Variants in ARRDC3 observed in about 807,000 individuals in gnomAD.
ARRDC3 encodes arrestin domain containing 3, also known as arrestin domain-containing protein 3.
In ARRDC3, 10 loss-of-function variants were observed where a neutral mutation model predicts 47.2. That is an observed-to-expected ratio of 0.21 (90% confidence interval 0.13 to 0.36). The LOEUF is 0.36. ARRDC3 is among the 10% of genes least tolerant of loss of function. The pLI, the probability that ARRDC3 is intolerant of heterozygous loss-of-function variation, is 1.00. For missense variants in ARRDC3, 381 were observed against 503.6 expected (o/e 0.76, Z 2.33); for synonymous variants, 156 against 178.3 (o/e 0.87, Z 1.00).
intron 5 of ARRDC3, 141 bp from the exon 6 acceptor site, chr5:91,374,417 G>A (rs553215264): frequency 4.4e-5 from 30 of 676,362 alleles, no homozygotes; most frequent in Middle Eastern, 7.4e-4. Flanking sequence ...TCTCTTTTAT[G>A]TATAATTCTG....
At position 91,377,428 on chromosome 5, in the gene ARRDC3, ACT is replaced by A. The variant is rs201954517; in HGVS notation, c.363-662_363-661del. On this transcript the variant is annotated intron_variant, in intron 2 of 7. Transcript: ENST00000265138. ...AGAGAATAAAAAAAAATTTTTTTTA[ACT>A]CTGTCAGATTTTACTTGTGGAAGGT... Among the ~76,000 whole-genome samples the A allele has an allele frequency of 7.5e-3, 1,142 of 152,170 alleles. 15 individuals are homozygous for A. The highest frequency in any genetic ancestry group is 0.037 in the East Asian group (193 of 5,178).
chr5:91,382,867 TG>T lies in ARRDC3; in HGVS notation c.225del (p.Tyr75Ter). The T allele has an allele frequency of 6.2e-7, 1 of 1,614,146 alleles. No homozygotes were observed. On this transcript the variant is annotated frameshift_variant, in exon 1 of 8. Coordinates refer to ENST00000265138, the MANE Select transcript of ARRDC3 (RefSeq NM_020801.4). LOFTEE classifies it high-confidence loss of function. ...AGSNTAYTQNYTEEVEYFNHK... is the reference protein window; with the variant it reads ...AGSNTAYTQNXTEEVEYFNHK... ...TGGTTGAAATACTCTACTTCTTCAG[TG>T]TAATTCTGTGTATAGGCAGTATTGG...
rs572006061 is a variant in ARRDC3, at chr5:91,370,154, G to A, written c.*1246C>T. ...TCATAACCTCAATGTATGTATTCCT[G>A]CTCATTAATATACTTTGCACCAGCA... On this transcript the variant is annotated 3_prime_UTR_variant, in exon 8 of 8. Transcript: ENST00000265138. 2 of 152,356 alleles carry A rather than the reference G, an allele frequency of 1.3e-5. No homozygotes were observed. Among genetic ancestry groups the A allele is most frequent in the Admixed American group, 1.3e-4 (2 of 15,274 alleles). 9.4% of individuals were successfully genotyped at this position (152,356 alleles called of 1,614,324 possible).
Position 91,383,242 on chromosome 5 carries a change from G to A in ARRDC3, c.-150C>T. On this transcript the variant is annotated 5_prime_UTR_variant, in exon 1 of 8. Coordinates refer to ENST00000265138, the MANE Select transcript of ARRDC3 (RefSeq NM_020801.4). ...TGATTCTCTACAAATAGTTCATTGAGATTTCTTAAAAAGTCAGGGCAGCAG... is the reference window on the plus strand; with the variant it reads ...TGATTCTCTACAAATAGTTCATTGAAATTTCTTAAAAAGTCAGGGCAGCAG... 1 of 747,806 alleles carries A rather than the reference G, an allele frequency of 1.3e-6. No individual in the cohort carries two copies. Among genetic ancestry groups the A allele is most frequent in the Admixed American group, 3.3e-5 (1 of 30,454 alleles). The allele number at this position is 747,806 out of a possible 1,614,324, so 46.3% of individuals were successfully genotyped here. A position where few individuals can be genotyped will look rare whatever the true frequency, so the allele number is the denominator to read the frequency against.
At chr5:91,380,518 A>G (rs1017942206) in intron 1 of ARRDC3, 3 of 152,214 alleles carry the variant, frequency 2.0e-5, no homozygotes, top group Non-Finnish European at 4.4e-5. Context: ...CTCCCCCAAC[A>G]TTTCGATATT....
intron 1 of ARRDC3, among the ~76,000 whole-genome samples, chr5:91,381,993 C>G (rs1799467486): frequency 6.6e-6 from 1 of 152,178 alleles, no homozygotes; most frequent in South Asian, 2.1e-4. Flanking sequence ...AATCTCAGGA[C>G]TCCTTCTCCT....
At chr5:91,376,830 G>A in intron 2 of ARRDC3, 62 bp from the exon 3 acceptor site, 6 of 1,452,504 alleles carry the variant, frequency 4.1e-6, no homozygotes, top group Non-Finnish European at 5.6e-6. Context: ...TTACACAGTA[G>A]GTCAGAATAG....
In ARRDC3 at chr5:91,381,546, G is replaced by T. The variant is rs1582378906; in HGVS notation, c.280+1267C>A. ...ACTACGAAAATCCTGCTAAAGAACT[G>T]AGTTCACCTTAATAGTTTCAAAAAT... On this transcript the variant is annotated intron_variant, in intron 1 of 7. Coordinates refer to ENST00000265138, the MANE Select transcript of ARRDC3 (RefSeq NM_020801.4). Among the ~76,000 whole-genome samples, 5 of 152,290 alleles carry T rather than the reference G, an allele frequency of 3.3e-5. No homozygotes were observed. In the South Asian group the frequency reaches 1.0e-3, roughly 32 times the overall value.
Position 91,378,768 on chromosome 5 carries a change from A to G in ARRDC3, c.288T>C (p.Asp96=). 6.3e-7 allele frequency: 1 copy of G among 1,588,134 alleles called. No homozygotes were observed. The highest frequency in any genetic ancestry group is 8.6e-7 in the Non-Finnish European group (1 of 1,168,288). The change falls in exon 2 of 8, where the codon GAT becomes GAC. Residue 96 remains aspartate, a synonymous_variant. Coordinates refer to ENST00000265138, the MANE Select transcript of ARRDC3 (RefSeq NM_020801.4). ...TAGTGTGGAAGCCTTCTTCGGAATT[A>G]TCATCATCTAAAACAAACATAAAAA... ...DILIGHERDD[D]NSEEGFHTIH...
At position 91,378,694 on chromosome 5, in the gene ARRDC3, G is replaced by A. The variant is rs779678796; in HGVS notation, c.362C>T (p.Thr121Ile). 44 of 1,555,148 alleles carry A rather than the reference G, an allele frequency of 2.8e-5. No homozygotes were observed. Among genetic ancestry groups the A allele is most frequent in the African/African-American group, 9.6e-5 (7 of 72,720 alleles). ...EYAFSFELPQ[T>I]PLATSFEGRH... ...AATGCCTATTATTTATAATACTTAC[G>A]TCTGTGGAAGCTCGAAGCTGAATGC... The change falls in exon 2 of 8, where the codon ACA becomes ATA. Residue 121 changes from threonine to isoleucine, a missense_variant and splice_region_variant. Transcript: ENST00000265138.
chr5:91,374,918 A>T lies in ARRDC3; in HGVS notation c.870+4T>A, dbSNP rs371600314. On this transcript the variant is annotated splice_donor_region_variant and intron_variant, in intron 5 of 7. Coordinates refer to ENST00000265138, the MANE Select transcript of ARRDC3 (RefSeq NM_020801.4). ...AGGAAAAAACCTCTTAAATGTGTAC[A>T]TACCATTAGTGAATATTCCACGCGG... is the stretch of plus-strand genomic sequence containing the variant. The T allele has an allele frequency of 9.3e-6, 15 of 1,613,956 alleles. No homozygotes were observed. Among genetic ancestry groups the T allele is most frequent in the Non-Finnish European group, 1.2e-5 (14 of 1,179,840 alleles).
At chr5:91,372,859 CA>C (rs1207489842) in intron 7 of ARRDC3, among the ~76,000 whole-genome samples, 1 of 152,074 alleles carries the variant, frequency 6.6e-6, no homozygotes, top group Non-Finnish European at 1.5e-5. Context: ...ATTTTGGTAT[CA>C]AAACCAACTC....
chr5:91,382,973 C>T lies in ARRDC3; in HGVS notation c.120G>A (p.Gly40=), dbSNP rs1320465302. ...VSGRVNLEVT[G]EIRVKSLKIH... ...TTTTAAGAGATTTTACTCTGATTTC[C>T]CCAGTAACTTCTAAATTTACCCTTC... The change falls in exon 1 of 8, where the codon GGG becomes GGA. Residue 40 remains glycine (G), a synonymous_variant. Coordinates refer to ENST00000265138, the MANE Select transcript of ARRDC3 (RefSeq NM_020801.4). The T allele has an allele frequency of 5.0e-6, 8 of 1,614,094 alleles. No homozygotes were observed. Among genetic ancestry groups the T allele is most frequent in the Non-Finnish European group, 6.8e-6 (8 of 1,180,024 alleles).
rs1433682679 is a variant in ARRDC3, at chr5:91,370,685, C to T, written c.*715G>A. 2.6e-5 allele frequency: 4 copies of T among 152,518 alleles called. No individual in the cohort carries two copies. Among genetic ancestry groups the T allele is most frequent in the Non-Finnish European group, 5.9e-5 (4 of 68,012 alleles). 9.4% of individuals were successfully genotyped at this position (152,518 alleles called of 1,614,324 possible). A position where few individuals can be genotyped will look rare whatever the true frequency, so the allele number is the denominator to read the frequency against. ...ATCTTGACAGTCTCTTATTAGCTTC[C>T]TCCTCTTATCTCTTTTTTTCCCACA... On this transcript the variant is annotated 3_prime_UTR_variant, in exon 8 of 8. Transcript: ENST00000265138.
rs1799229192 is a variant in ARRDC3, at chr5:91,373,599, C to G, written c.1188+85G>C. The G allele has an allele frequency of 2.3e-6, 3 of 1,287,418 alleles. No individual in the cohort carries two copies. In the Admixed American group the frequency reaches 6.4e-5, roughly 27 times the overall value. The allele number at this position is 1,287,418 out of a possible 1,614,324, so 79.7% of individuals were successfully genotyped here. A position where few individuals can be genotyped will look rare whatever the true frequency, so the allele number is the denominator to read the frequency against. Reference sequence around the variant, plus strand: ...GTTCTGTTAACATGATAATCAAGATCTAATAACATTAAGAAAAAAAAATGC... The same window carrying G: ...GTTCTGTTAACATGATAATCAAGATGTAATAACATTAAGAAAAAAAAATGC... On this transcript the variant is annotated intron_variant, in intron 7 of 7. Coordinates refer to ENST00000265138, the MANE Select transcript of ARRDC3 (RefSeq NM_020801.4).
In ARRDC3 at chr5:91,370,153, T is replaced by G. The variant is rs551982773; in HGVS notation, c.*1247A>C. ...TTCATAACCTCAATGTATGTATTCC[T>G]GCTCATTAATATACTTTGCACCAGC... On this transcript the variant is annotated 3_prime_UTR_variant, in exon 8 of 8. Coordinates refer to ENST00000265138, the MANE Select transcript of ARRDC3 (RefSeq NM_020801.4). 6.6e-6 allele frequency: 1 copy of G among 152,446 alleles called. No homozygotes were observed. Among genetic ancestry groups the G allele is most frequent in the East Asian group, 1.9e-4 (1 of 5,182 alleles). 9.4% of individuals were successfully genotyped at this position (152,446 alleles called of 1,614,324 possible). A position where few individuals can be genotyped will look rare whatever the true frequency, so the allele number is the denominator to read the frequency against.
chr5:91,373,809 C>T lies in ARRDC3; in HGVS notation c.1063G>A (p.Glu355Lys), dbSNP rs1391376839. 1 of 1,614,056 alleles carries T rather than the reference C, an allele frequency of 6.2e-7. No individual in the cohort carries two copies. Among genetic ancestry groups the T allele is most frequent in the Admixed American group, 1.7e-5 (1 of 60,014 alleles). The change falls in exon 7 of 8, where the codon GAG (glutamate) becomes AAG (lysine). Residue 355 changes from glutamate to lysine, a missense_variant. Physicochemically the swap from Glu to Lys is moderately conservative, Grantham distance 56 (BLOSUM62 1). Coordinates refer to ENST00000265138, the MANE Select transcript of ARRDC3 (RefSeq NM_020801.4). Reference protein sequence around the residue: ...APPSYAEVVTEEQRRNNLAPV... With the variant: ...APPSYAEVVTKEQRRNNLAPV... ...GCAAGATTGTTCCGCCTTTGTTCCT[C>T]TGTTACCACTTCTGCATAGCTGGGT...
In ARRDC3 at chr5:91,371,307, C is replaced by T. The variant is rs1031132917; in HGVS notation, c.*93G>A. The T allele has an allele frequency of 1.7e-6, 2 of 1,144,568 alleles. No homozygotes were observed. The highest frequency in any genetic ancestry group is 2.8e-5 in the South Asian group (2 of 71,982). 70.9% of individuals were successfully genotyped at this position (1,144,568 alleles called of 1,614,324 possible). ...TTTCTGGGCAAAAGTAATTCCACTT[C>T]CTCTGAAACGTGTCTCCAAGATACT... On this transcript the variant is annotated 3_prime_UTR_variant, in exon 8 of 8. Transcript: ENST00000265138.
In ARRDC3 at chr5:91,375,608, G is replaced by A; in HGVS notation, c.516C>T (p.Pro172=). Residue 172 remains proline, a synonymous_variant, in exon 4 of 8, where the codon CCC becomes CCT. Transcript: ENST00000265138. ...IDINTPSLLS[P]QAGTKEKTLC... ...GTGTCTTTTCTTTTGTGCCTGCTTG[G>A]GGTGACTGTAAGAAAAAAATTAAGA... 2 of 1,605,316 alleles carry A rather than the reference G, an allele frequency of 1.2e-6. No individual in the cohort carries two copies. Among genetic ancestry groups the A allele is most frequent in the Non-Finnish European group, 1.7e-6 (2 of 1,175,132 alleles).
Sources: allele counts gnomAD v4.1 joint callset (sites outside exome capture counted in the v4.1 genomes callset), GRCh38; gene constraint gnomAD v4.1.1; transcripts MANE v1.5; gene names NCBI Gene and HGNC (gene_info 2026-07-23, HGNC 2026-07-21).